Variants in UBN2 observed in about 807,000 individuals in gnomAD.
UBN2 encodes the protein ubinuclein-2.
Under a neutral mutation model 120.2 loss-of-function variants are expected in UBN2, and 35 were observed. The ratio of observed to expected loss-of-function variants is 0.29; its 90% CI spans 0.22 to 0.39. The LOEUF (loss-of-function observed/expected upper bound fraction) is 0.39. Ranked by LOEUF, UBN2 falls within the 10% of genes least tolerant of loss-of-function variation. The pLI is 1.00. For synonymous variants in UBN2, 661 were observed against 648.7 expected (o/e 1.02, Z -0.29); for missense variants, 1,693 against 1,663.2 (o/e 1.02, Z -0.31).
At chr7:139,241,281 G>A (rs1450746760) in intron 2 of UBN2, among the ~76,000 whole-genome samples, 2 of 152,116 alleles carry the variant, frequency 1.3e-5, no homozygotes, top group Admixed American at 6.5e-5. Flanking sequence ...CCTAGAATTG[G>A]ATATAAATTC....
intron 11 of UBN2, among the ~76,000 whole-genome samples, chr7:139,274,364 A>G (rs938693023): frequency 3.3e-5 from 5 of 152,204 alleles, no homozygotes; most frequent in African/African-American, 1.2e-4. Flanking sequence ...CCAAATGGTT[A>G]TGAAGTTTGG....
At chr7:139,266,226 CAAAAAAA>C (rs377760158) in intron 6 of UBN2, 100 bp from the exon 7 acceptor site, 17 of 342,916 alleles carry the variant, frequency 5.0e-5, no homozygotes, top group South Asian at 5.7e-5. Context: ...GGCCCTATCT[CAAAAAAA>C]AAAAAAAAAA....
Position 139,284,490 on chromosome 7 carries a change from A to T in UBN2, c.3585A>T (p.Gly1195=), listed in dbSNP as rs1797722086. ...RTSLSGGTGS[G]TQGATKPLST... ...GTCTGTCTGGGGGAACAGGAAGTGG[A>T]ACACAGGGTGCTACCAAACCATTGT... Residue 1195 remains glycine (G), a synonymous_variant, in exon 15 of 18, where the codon GGA becomes GGT. Transcript: ENST00000473989. The T allele has an allele frequency of 6.2e-7, 1 of 1,614,100 alleles. No homozygotes were observed. The highest frequency in any genetic ancestry group is 1.7e-5 in the Admixed American group (1 of 60,004).
Position 139,283,081 on chromosome 7 carries a change from G to A in UBN2, c.2176G>A (p.Gly726Ser), listed in dbSNP as rs201694587. 62 of 1,612,774 alleles carry A rather than the reference G, an allele frequency of 3.8e-5. No homozygotes were observed. The Middle Eastern group carries it at 4.9e-4, about 13-fold the overall frequency. The change falls in exon 15 of 18, where the codon GGT (glycine) becomes AGT (serine). Residue 726 changes from glycine (G) to serine (S), a missense_variant. By Grantham distance (56) the Gly-to-Ser change is moderately conservative (BLOSUM62 0). This residue lies in a region of UBN2 where 837 missense variants were observed against 817.6 expected (regional missense o/e 1.02). Coordinates refer to ENST00000473989, the MANE Select transcript of UBN2 (RefSeq NM_173569.4). ...TPTSLVASVS[G>S]PPTSSSTAAI... is the part of the protein sequence containing the mutation. The stretch of plus-strand genomic sequence containing the variant: ...AACATCCCTGGTGGCTTCGGTTAGC[G>A]GTCCTCCAACGAGCTCCAGCACAGC...
chr7:139,271,414 C>T (rs761996434), intron 8 of UBN2, among the ~76,000 whole-genome samples: 1 of 152,028 alleles, frequency 6.6e-6, no homozygotes, highest in Non-Finnish European at 1.5e-5. Context: ...TGGCAAAACC[C>T]TGTCCTACTA....
rs1797668297 is a variant in UBN2, at chr7:139,283,202, C to T, written c.2297C>T (p.Ser766Leu). 6.2e-7 allele frequency: 1 copy of T among 1,612,772 alleles called. No homozygotes were observed. The highest frequency in any genetic ancestry group is 1.3e-5 in the African/African-American group (1 of 74,446). ...GAAGACCTTTCTTTCCATTCACCTT[C>T]ACTGGATCTTGTTTCTGAAGCTTTA... is the stretch of plus-strand genomic sequence containing the variant. ...LDEDLSFHSP[S>L]LDLVSEALAV... Residue 766 changes from serine (S) to leucine (L), a missense_variant, in exon 15 of 18, where the codon TCA (serine) becomes TTA (leucine). Physicochemically the swap from Ser to Leu is moderately radical, Grantham distance 145. This residue lies in a region of UBN2 where 837 missense variants were observed against 817.6 expected (regional missense o/e 1.02). Transcript: ENST00000473989.
At chr7:139,238,660 G>A (rs763193777) in intron 2 of UBN2, among the ~76,000 whole-genome samples, 6 of 152,124 alleles carry the variant, frequency 3.9e-5, no homozygotes, top group Non-Finnish European at 7.3e-5. Flanking sequence ...GACCTCAACT[G>A]ATCTGTCCAC....
chr7:139,291,179 G>T (rs796189758), intron 15 of UBN2, among the ~76,000 whole-genome samples: 24 of 151,766 alleles, frequency 1.6e-4, no homozygotes, highest in African/African-American at 5.6e-4. Context: ...TGGCCAACAT[G>T]GTGAAACCCC....
chr7:139,238,761 A>G (rs1796231605), intron 2 of UBN2, among the ~76,000 whole-genome samples: 1 of 152,084 alleles, frequency 6.6e-6, no homozygotes, highest in Non-Finnish European at 1.5e-5. Flanking sequence ...AGAGGTTCAG[A>G]TTTTTCCGAG....
At chr7:139,266,762 T>C (rs1306407726) in intron 7 of UBN2, among the ~76,000 whole-genome samples, 3 of 152,204 alleles carry the variant, frequency 2.0e-5, no homozygotes, top group Non-Finnish European at 2.9e-5. Flanking sequence ...CCATCTACTT[T>C]TATTACTTAC....
chr7:139,283,120 G>A lies in UBN2; in HGVS notation c.2215G>A (p.Ala739Thr), dbSNP rs1255035178. The change falls in exon 15 of 18, where the codon GCT becomes ACT. Residue 739 changes from alanine (A) to threonine (T), a missense_variant. Physicochemically the swap from Ala to Thr is moderately conservative, Grantham distance 58. Transcript: ENST00000473989. ...TSSSTAAIAA[A>T]SSSSAPAQET... ...CTCCAGCACAGCTGCCATTGCTGCA[G>A]CTAGCTCTAGCTCTGCACCAGCCCA... is the stretch of plus-strand genomic sequence containing the variant. The A allele has an allele frequency of 3.7e-6, 6 of 1,612,860 alleles. No individual in the cohort carries two copies. The highest frequency in any genetic ancestry group is 5.1e-6 in the Non-Finnish European group (6 of 1,179,890).
intron 2 of UBN2, among the ~76,000 whole-genome samples, chr7:139,243,231 T>C (rs553871734): frequency 6.6e-6 from 1 of 152,340 alleles, no homozygotes; most frequent in African/African-American, 2.4e-5. Flanking sequence ...CACAGGGAGC[T>C]AGTACCTAGA....
the UBN2 span, among the ~76,000 whole-genome samples, chr7:139,320,981 G>A: frequency 1.3e-5 from 2 of 152,066 alleles, no homozygotes; most frequent in African/African-American, 4.8e-5. Flanking sequence ...CGCTTCCTAA[G>A]TCAGGCTGTC....
In UBN2 at chr7:139,299,029, TA is replaced by T. The variant is rs1187897334; in HGVS notation, c.*1196del. On this transcript the variant is annotated 3_prime_UTR_variant, in exon 18 of 18. Transcript: ENST00000473989. Reference sequence around the variant, plus strand: ...AAATTGTTTGGAGCATTTGAGATCCTAAAGCTTCACTATTTACTCAGTGTAT... The same window carrying T: ...AAATTGTTTGGAGCATTTGAGATCCTAAGCTTCACTATTTACTCAGTGTAT... The T allele has an allele frequency of 1.3e-5, 2 of 152,212 alleles. No individual in the cohort carries two copies. Among genetic ancestry groups the T allele is most frequent in the Non-Finnish European group, 2.9e-5 (2 of 68,020 alleles). 9.4% of individuals were successfully genotyped at this position (152,212 alleles called of 1,614,324 possible). A position where few individuals can be genotyped will look rare whatever the true frequency, so the allele number is the denominator to read the frequency against.
chr7:139,325,409 A>G, the UBN2 span, among the ~76,000 whole-genome samples: 2 of 151,816 alleles, frequency 1.3e-5, no homozygotes, highest in African/African-American at 4.8e-5. Context: ...CTGGGATTAC[A>G]GGTGCCCACT....
downstream of UBN2, among the ~76,000 whole-genome samples, chr7:139,310,091 A>C (rs943663392): frequency 6.6e-6 from 1 of 152,164 alleles, no homozygotes; most frequent in Non-Finnish European, 1.5e-5. Flanking sequence ...CTGTCTCATC[A>C]CTGGAAGAAG....
In UBN2 at chr7:139,265,432, C is replaced by T. The variant is rs143548528; in HGVS notation, c.1396-901C>T. 6.5e-4 allele frequency among the ~76,000 whole-genome samples: 99 copies of T among 152,130 alleles called. No individual in the cohort carries two copies. In the East Asian group the frequency reaches 0.011, roughly 16 times the overall value. On this transcript the variant is annotated intron_variant, in intron 6 of 17. Transcript: ENST00000473989. Reference sequence around the variant, plus strand: ...GGTGGAGATTGCAGTAAGCCGAGATCGCGCCACTGCACTCCAGCCTGGGCG... The same window carrying T: ...GGTGGAGATTGCAGTAAGCCGAGATTGCGCCACTGCACTCCAGCCTGGGCG...
downstream of UBN2, among the ~76,000 whole-genome samples, chr7:139,313,033 C>T (rs927643056): frequency 6.6e-6 from 1 of 151,852 alleles, no homozygotes; most frequent in Non-Finnish European, 1.5e-5. Flanking sequence ...TTTCTATTAC[C>T]ATAGACTTAA....
the UBN2 span, among the ~76,000 whole-genome samples, chr7:139,321,495 TCA>T: frequency 6.6e-6 from 1 of 152,206 alleles, no homozygotes; most frequent in Non-Finnish European, 1.5e-5. Context: ...GTTTGCACTC[TCA>T]GAGTTCCTGT....
Sources: allele counts gnomAD v4.1 joint callset (sites outside exome capture counted in the v4.1 genomes callset), GRCh38; gene constraint gnomAD v4.1.1; regional missense constraint gnomAD v4.1.1; transcripts MANE v1.5; gene names NCBI Gene and HGNC (gene_info 2026-07-23, HGNC 2026-07-21).